Variants in SPRED2 observed in about 807,000 individuals in gnomAD.
The protein encoded by SPRED2 is sprouty related EVH1 domain containing 2.
Under a neutral mutation model 43.0 loss-of-function variants are expected in SPRED2, and 47 were observed. That is an observed-to-expected ratio of 1.09 (90% confidence interval 0.87 to 1.40). SPRED2 has a LOEUF of 1.40. SPRED2 is among the 40% of genes most tolerant of loss of function. The probability of loss-of-function intolerance (pLI) is 0.00; values close to 1 mark genes in which losing one functional copy is unlikely to be tolerated. For missense variants in SPRED2, 561 were observed against 586.4 expected (o/e 0.96, Z 0.45); for synonymous variants, 225 against 225.7 (o/e 1.00, Z 0.03).
At chr2:65,380,661 T>A (rs1675351194) in intron 1 of SPRED2, 1 of 152,220 alleles carries the variant, frequency 6.6e-6, no homozygotes. Flanking sequence ...CTCTCTTTTT[T>A]TCTTCTGAAA....
intron 1 of SPRED2, among the ~76,000 whole-genome samples, chr2:65,406,189 C>T (rs1676019984): frequency 6.6e-6 from 1 of 152,178 alleles, no homozygotes; most frequent in African/African-American, 2.4e-5. Context: ...GTGGCAGGTC[C>T]TTCAGAGCCA....
chr2:65,323,647 C>T (rs1457636071), intron 4 of SPRED2, among the ~76,000 whole-genome samples: 1 of 151,536 alleles, frequency 6.6e-6, no homozygotes. Flanking sequence ...GAGGCTGAGG[C>T]GGGCAGATCA....
At chr2:65,369,839 T>C (rs1353008546) in intron 1 of SPRED2, among the ~76,000 whole-genome samples, 1 of 152,220 alleles carries the variant, frequency 6.6e-6, no homozygotes, top group Non-Finnish European at 1.5e-5. Flanking sequence ...CACCTCACTA[T>C]TTTCAGAGCA....
At chr2:65,428,554 A>C (rs1490315624) in intron 1 of SPRED2, among the ~76,000 whole-genome samples, 3 of 152,262 alleles carry the variant, frequency 2.0e-5, no homozygotes, top group Non-Finnish European at 4.4e-5. Flanking sequence ...AGTAAGCTCA[A>C]ATATTTAGGT....
At chr2:65,330,372 A>G (rs1034148213) in intron 4 of SPRED2, among the ~76,000 whole-genome samples, 14 of 152,268 alleles carry the variant, frequency 9.2e-5, no homozygotes, top group Non-Finnish European at 1.6e-4. Flanking sequence ...TGAAGTGGAT[A>G]TTAGATGACA....
intron 4 of SPRED2, among the ~76,000 whole-genome samples, chr2:65,322,240 C>CTG (rs1673438685): frequency 3.5e-5 from 2 of 56,364 alleles, no homozygotes; most frequent in African/African-American, 1.8e-4. Flanking sequence ...CTCTCTCTCT[C>CTG]TCTCTCTCTC....
At chr2:65,392,053 A>C (rs980934878) in intron 1 of SPRED2, among the ~76,000 whole-genome samples, 1 of 151,580 alleles carries the variant, frequency 6.6e-6, no homozygotes, top group African/African-American at 2.4e-5. Flanking sequence ...AACTCTTCAT[A>C]GTTTTATATT....
chr2:65,377,093 A>C (rs1675258641), intron 1 of SPRED2, among the ~76,000 whole-genome samples: 1 of 152,192 alleles, frequency 6.6e-6, no homozygotes, highest in Non-Finnish European at 1.5e-5. Flanking sequence ...ATGTACCATG[A>C]TTTATTTAAC....
chr2:65,408,250 T>C (rs1321597889), intron 1 of SPRED2, among the ~76,000 whole-genome samples: 1 of 152,232 alleles, frequency 6.6e-6, no homozygotes, highest in African/African-American at 2.4e-5. Context: ...TGTCAGACAC[T>C]GCTGCGGACA....
intron 1 of SPRED2, among the ~76,000 whole-genome samples, chr2:65,346,074 C>T (rs1674341899): frequency 1.3e-5 from 2 of 152,292 alleles, no homozygotes; most frequent in African/African-American, 4.8e-5. Context: ...CCATTATTCC[C>T]TGGGCCTCAG....
At chr2:65,376,989 C>A (rs1675256451) in intron 1 of SPRED2, among the ~76,000 whole-genome samples, 2 of 152,204 alleles carry the variant, frequency 1.3e-5, no homozygotes, top group Admixed American at 1.3e-4. Context: ...GCTGAGATTA[C>A]AGGCGTGAGC....
chr2:65,308,275 C>T, downstream of SPRED2: 5 of 982,852 alleles, frequency 5.1e-6, no homozygotes, highest in Non-Finnish European at 6.0e-6. Context: ...TGAGCAGGAC[C>T]CTGCCCTCTC....
intron 1 of SPRED2, among the ~76,000 whole-genome samples, chr2:65,404,658 C>T (rs1252890169): frequency 6.6e-6 from 1 of 152,180 alleles, no homozygotes; most frequent in Non-Finnish European, 1.5e-5. Context: ...AGAGAGGGGA[C>T]CTGGGGTCCC....
chr2:65,427,511 G>A (rs1289948670), intron 1 of SPRED2, among the ~76,000 whole-genome samples: 8 of 152,092 alleles, frequency 5.3e-5, no homozygotes, highest in African/African-American at 1.4e-4. Context: ...TCACTGTATC[G>A]GTTTAATTTC....
chr2:65,384,161 C>T (rs758674296), intron 1 of SPRED2, among the ~76,000 whole-genome samples: 4 of 152,028 alleles, frequency 2.6e-5, no homozygotes, highest in South Asian at 2.1e-4. Context: ...TGCCCAGAGC[C>T]GGCCTATCTC....
At chr2:65,366,344 T>G (rs934671360) in intron 1 of SPRED2, among the ~76,000 whole-genome samples, 2 of 151,852 alleles carry the variant, frequency 1.3e-5, no homozygotes, top group African/African-American at 4.8e-5. Context: ...TATCAGAATA[T>G]CTAAGGAGAA....
intron 2 of SPRED2, chr2:65,344,372 T>C (rs971589574): frequency 8.5e-6 from 3 of 354,180 alleles, no homozygotes; most frequent in Non-Finnish European, 1.7e-5. Flanking sequence ...TTTAAAACAC[T>C]GACTTCACAG....
chr2:65,353,695 CT>C (rs1471873696), intron 1 of SPRED2, among the ~76,000 whole-genome samples: 1 of 152,084 alleles, frequency 6.6e-6, no homozygotes, highest in African/African-American at 2.4e-5. Flanking sequence ...TGCCTCTATA[CT>C]TTCCTTTAAA....
intron 1 of SPRED2, among the ~76,000 whole-genome samples, chr2:65,431,178 C>A (rs1168018274): frequency 1.3e-5 from 2 of 151,744 alleles, no homozygotes; most frequent in African/African-American, 2.4e-5. Flanking sequence ...GCGGGCCAGG[C>A]ACAAGCCCGT....
Sources: allele counts gnomAD v4.1 joint callset (sites outside exome capture counted in the v4.1 genomes callset), GRCh38; gene constraint gnomAD v4.1.1; transcripts MANE v1.5; gene names NCBI Gene and HGNC (gene_info 2026-07-23, HGNC 2026-07-21).